The following PLXNA4 variants were observed in gnomAD, a reference collection of about 807,000 sequenced individuals.
The protein encoded by PLXNA4 is plexin-A4.
Under a neutral mutation model 191.8 loss-of-function variants are expected in PLXNA4, and 44 were observed. The observed-to-expected ratio is 0.23, with a 90% CI of 0.18 to 0.29. The LOEUF (loss-of-function observed/expected upper bound fraction) is 0.29, where lower values mean the gene tolerates loss of function less well. PLXNA4 is among the 10% of genes least tolerant of loss of function. The probability of loss-of-function intolerance (pLI) is 1.00; values close to 1 mark genes in which losing one functional copy is unlikely to be tolerated. For synonymous variants in PLXNA4, 1,082 were observed against 1,009.5 expected (o/e 1.07, Z -1.36); for missense variants, 1,800 against 2,488.8 (o/e 0.72, Z 5.89).
intron 4 of PLXNA4, among the ~76,000 whole-genome samples, chr7:132,262,885 T>C (rs1799703078): frequency 6.6e-6 from 1 of 152,082 alleles, no homozygotes; most frequent in African/African-American, 2.4e-5. Context: ...GTGGTTCAAG[T>C]TCACACAACT....
intron 2 of PLXNA4, among the ~76,000 whole-genome samples, chr7:132,586,203 C>T (rs1013792540): frequency 2.0e-5 from 3 of 152,168 alleles, no homozygotes; most frequent in Non-Finnish European, 4.4e-5. Flanking sequence ...TGTTCTCAGA[C>T]TAATCCTATT....
intron 3 of PLXNA4, among the ~76,000 whole-genome samples, chr7:132,394,347 G>A (rs1257020925): frequency 1.3e-5 from 2 of 152,164 alleles, no homozygotes; most frequent in African/African-American, 4.8e-5. Context: ...AGCAGGTGAA[G>A]GGACCAGAGA....
chr7:132,286,276 G>A (rs543784237), intron 4 of PLXNA4, among the ~76,000 whole-genome samples: 2 of 152,178 alleles, frequency 1.3e-5, no homozygotes, highest in Non-Finnish European at 2.9e-5. Context: ...AACAGACATG[G>A]TGGGACAGGA....
chr7:132,557,299 C>T (rs1223174177), intron 1 of PLXNA4, among the ~76,000 whole-genome samples: 1 of 152,162 alleles, frequency 6.6e-6, no homozygotes, highest in Admixed American at 6.5e-5. Flanking sequence ...CCCTCTATCA[C>T]GTGCTACTGA....
chr7:132,260,064 T>C (rs572844553), intron 4 of PLXNA4, among the ~76,000 whole-genome samples: 5 of 151,462 alleles, frequency 3.3e-5, no homozygotes, highest in African/African-American at 9.7e-5. Context: ...TCGGTGGGAG[T>C]GTAAATTAGT....
chr7:132,366,236 A>G (rs974896835), intron 3 of PLXNA4, among the ~76,000 whole-genome samples: 3 of 152,190 alleles, frequency 2.0e-5, no homozygotes, highest in Admixed American at 1.3e-4. Flanking sequence ...CCATTAAAAA[A>G]AGAGAGAGGC....
At chr7:132,437,560 GAAAAAAAAGAA>G (rs1408323200) in intron 3 of PLXNA4, among the ~76,000 whole-genome samples, 2 of 41,742 alleles carry the variant, frequency 4.8e-5, no homozygotes, top group African/African-American at 1.0e-4. Context: ...TGCATCTGAG[GAAAAAAAAGAA>G]AAAAAAAAAA....
chr7:132,146,797 T>A, intron 27 of PLXNA4, 97 bp from the exon 28 acceptor site: 1 of 1,551,518 alleles, frequency 6.4e-7, no homozygotes, highest in Non-Finnish European at 8.7e-7. Flanking sequence ...AGCCAACGAC[T>A]GTCTGATCAT....
intron 3 of PLXNA4, among the ~76,000 whole-genome samples, chr7:132,347,806 C>T (rs768657151): frequency 6.6e-6 from 1 of 152,168 alleles, no homozygotes. Flanking sequence ...TTATATCTTC[C>T]ACTGGCTTCA....
At chr7:132,199,041 C>T (rs990706539) in intron 12 of PLXNA4, among the ~76,000 whole-genome samples, 1 of 152,194 alleles carries the variant, frequency 6.6e-6, no homozygotes, top group African/African-American at 2.4e-5. Flanking sequence ...GTGACCCTAC[C>T]CACCTCTCAA....
At chr7:132,484,307 T>C (rs985426275) in intron 3 of PLXNA4, among the ~76,000 whole-genome samples, 1 of 152,158 alleles carries the variant, frequency 6.6e-6, no homozygotes, top group Non-Finnish European at 1.5e-5. Context: ...CTGGAAAGAC[T>C]AACGACAGAA....
At chr7:132,312,320 T>C (rs1801777254) in intron 3 of PLXNA4, among the ~76,000 whole-genome samples, 1 of 152,096 alleles carries the variant, frequency 6.6e-6, no homozygotes, top group Admixed American at 6.5e-5. Context: ...TCAAGGCCCA[T>C]GTGTTTCACA....
chr7:132,221,612 C>T (rs1056469354), intron 9 of PLXNA4, among the ~76,000 whole-genome samples: 16 of 152,180 alleles, frequency 1.1e-4, no homozygotes, highest in African/African-American at 3.9e-4. Flanking sequence ...TCTGACTCAC[C>T]TCATTCTTAT....
chr7:132,458,563 C>A (rs931307747), intron 3 of PLXNA4, among the ~76,000 whole-genome samples: 1 of 151,262 alleles, frequency 6.6e-6, no homozygotes, highest in African/African-American at 2.4e-5. Context: ...AAAGGAGACA[C>A]AAGAGAGTAT....
At chr7:132,353,264 A>C (rs1803563025) in intron 3 of PLXNA4, among the ~76,000 whole-genome samples, 1 of 152,194 alleles carries the variant, frequency 6.6e-6, no homozygotes, top group Admixed American at 6.5e-5. Flanking sequence ...CCATCCCAGA[A>C]CACTTTTTGT....
intron 4 of PLXNA4, among the ~76,000 whole-genome samples, chr7:132,267,266 G>T (rs1464321326): frequency 1.3e-5 from 2 of 152,206 alleles, no homozygotes; most frequent in Non-Finnish European, 2.9e-5. Flanking sequence ...AGTAGGAGGA[G>T]CCTGATGAGG....
intron 22 of PLXNA4, 128 bp downstream of exon 22, chr7:132,168,176 G>A: frequency 3.8e-6 from 5 of 1,331,654 alleles, no homozygotes; most frequent in Non-Finnish European, 4.9e-6. Flanking sequence ...CTGGCTCTGG[G>A]CTAGTTAGTG....
At chr7:132,166,879 G>C (rs990566562) in intron 22 of PLXNA4, among the ~76,000 whole-genome samples, 5 of 152,182 alleles carry the variant, frequency 3.3e-5, no homozygotes, top group Admixed American at 2.0e-4. Context: ...CTGTCTGCTG[G>C]CTCTTATATG....
chr7:132,480,640 G>A (rs991923646), intron 3 of PLXNA4, among the ~76,000 whole-genome samples: 4 of 152,068 alleles, frequency 2.6e-5, no homozygotes, highest in African/African-American at 9.7e-5. Context: ...GACAATTCCG[G>A]TGAGAAACCA....
Sources: allele counts gnomAD v4.1 joint callset (sites outside exome capture counted in the v4.1 genomes callset), GRCh38; gene constraint gnomAD v4.1.1; transcripts MANE v1.5; gene names NCBI Gene and HGNC (gene_info 2026-07-23, HGNC 2026-07-21).